DNAJA3: variants seen among roughly 807,000 people sequenced by gnomAD.
DNAJA3 encodes DnaJ heat shock protein family (Hsp40) member A3.
DNAJA3 carries 29 observed loss-of-function variants against 54.9 expected under a neutral mutation model. The ratio of observed to expected loss-of-function variants is 0.53; its 90% CI spans 0.39 to 0.72. DNAJA3 has a LOEUF of 0.72. DNAJA3 is among the 30% of genes least tolerant of loss of function. The pLI is 0.00. For synonymous variants in DNAJA3, 302 were observed against 251.4 expected, an observed-to-expected ratio of 1.20 and a Z score of -1.90; for missense variants, 708 against 639.4, an observed-to-expected ratio of 1.11 and a Z score of -1.16.
rs202069889 is a variant in DNAJA3, at chr16:4,455,571, C to T, written c.*39C>T. 143 of 1,551,612 alleles carry T rather than the reference C, an allele frequency of 9.2e-5. No homozygotes were observed. Among genetic ancestry groups the T allele is most frequent in the Non-Finnish European group, 1.0e-4 (120 of 1,146,976 alleles). ...GAAAAAGATCCACTGGAAACTAGGC[C>T]GGGAAGCAGCAGCCCCTCCAAGGGC... On this transcript the variant is annotated 3_prime_UTR_variant, in exon 12 of 12. Transcript: ENST00000262375.
At chr16:4,441,171 T>G (rs1425370469) in intron 3 of DNAJA3, 7 of 576,536 alleles carry the variant, frequency 1.2e-5, no homozygotes, top group African/African-American at 1.9e-5. Context: ...TGGAAGCACT[T>G]CACGCCCTAC....
chr16:4,437,600 T>C, intron 3 of DNAJA3, 115 bp downstream of exon 3: 2 of 752,786 alleles, frequency 2.7e-6, no homozygotes, highest in Non-Finnish European at 4.4e-6. Flanking sequence ...GAAGGCCATG[T>C]CCCTGCGCCA....
Position 4,452,501 on chromosome 16 carries a change from C to T in DNAJA3, c.1339+2004C>T, listed in dbSNP as rs144435761. ...AGTTGATTCCGCCACCCACTGAGAT[C>T]CTTTGTCACTTCCATGGTTACTTGT... On this transcript the variant is annotated intron_variant, in intron 10 of 11. Coordinates refer to ENST00000262375, the MANE Select transcript of DNAJA3 (RefSeq NM_005147.6). Among the ~76,000 whole-genome samples the T allele has an allele frequency of 9.2e-5, 14 of 152,274 alleles. No homozygotes were observed. The East Asian group carries it at 2.7e-3, about 29-fold the overall frequency.
At chr16:4,442,619 C>T in intron 5 of DNAJA3, 199 bp downstream of exon 5, 1 of 600,436 alleles carries the variant, frequency 1.7e-6, no homozygotes, top group Non-Finnish European at 2.7e-6. Context: ...GCAACCAGAG[C>T]ACAGCAGCTC....
chr16:4,456,158 C>T lies in DNAJA3; in HGVS notation c.*626C>T, dbSNP rs1241314521. ...GAGGCACGTAGAGGCCCAGAGAGTC[C>T]CTGGGGGTTCTGCTCTGACCGTGTG... On this transcript the variant is annotated 3_prime_UTR_variant, in exon 12 of 12. Transcript: ENST00000262375. 6.5e-6 allele frequency: 1 copy of T among 154,600 alleles called. No individual in the cohort carries two copies. The highest frequency in any genetic ancestry group is 2.4e-5 in the African/African-American group (1 of 41,466). The allele number at this position is 154,600 out of a possible 1,614,324, so 9.6% of individuals were successfully genotyped here. A position where few individuals can be genotyped will look rare whatever the true frequency, so the allele number is the denominator to read the frequency against.
chr16:4,449,126 A>G (rs981638039), intron 9 of DNAJA3, among the ~76,000 whole-genome samples: 4 of 151,972 alleles, frequency 2.6e-5, no homozygotes, highest in African/African-American at 7.3e-5. Flanking sequence ...CCTCCCGAGT[A>G]GCTGGGATTA....
rs776238026 is a variant in DNAJA3, at chr16:4,444,624, G to A, written c.932-40G>A. 55 of 1,589,934 alleles carry A rather than the reference G, an allele frequency of 3.5e-5. No homozygotes were observed. In the East Asian group the frequency reaches 9.4e-4, roughly 27 times the overall value. ...GCTGGGATTACAGGCGTGAGCCACC[G>A]CGTCCTGCCTAACTTCTCCCTTTCT... On this transcript the variant is annotated intron_variant, in intron 6 of 11. Transcript: ENST00000262375.
At chr16:4,441,256 T>C in intron 3 of DNAJA3, 119 bp from the exon 4 acceptor site, 1 of 900,260 alleles carries the variant, frequency 1.1e-6, no homozygotes, top group Non-Finnish European at 1.7e-6. Context: ...TCATAGGATG[T>C]GTTTGCACAC....
At chr16:4,432,880 G>A (rs549250791) in intron 1 of DNAJA3, among the ~76,000 whole-genome samples, 2 of 151,864 alleles carry the variant, frequency 1.3e-5, no homozygotes, top group South Asian at 2.1e-4. Context: ...GGTGGCTCAC[G>A]CCGGTAATCC....
rs761337674 is a variant in DNAJA3, at chr16:4,437,461, C to T, written c.405C>T (p.Phe135=). The T allele has an allele frequency of 1.9e-6, 3 of 1,614,044 alleles. No individual in the cohort carries two copies. Among genetic ancestry groups the T allele is most frequent in the South Asian group, 1.1e-5 (1 of 91,082 alleles). The part of the protein sequence containing the change: ...NKDDPKAKEK[F]SQLAEAYEVL... ...ATGATCCCAAAGCCAAGGAGAAGTTCTCCCAGCTGGCAGAAGCCTATGAGG... is the reference window on the plus strand; with the variant it reads ...ATGATCCCAAAGCCAAGGAGAAGTTTTCCCAGCTGGCAGAAGCCTATGAGG... Residue 135 remains phenylalanine (F), a synonymous_variant, in exon 3 of 12, where the codon TTC becomes TTT. Transcript: ENST00000262375.
intron 9 of DNAJA3, 146 bp from the exon 10 acceptor site, chr16:4,450,254 C>T (rs1471759627): frequency 8.3e-6 from 5 of 600,220 alleles, no homozygotes; most frequent in Non-Finnish European, 1.5e-5. Flanking sequence ...TCCTTAGGTT[C>T]TCACCGCTGC....
Position 4,432,322 on chromosome 16 carries a change from C to T in DNAJA3, c.212-2062C>T, listed in dbSNP as rs910386604. ...ACAGGCGAGAGCCACTGTGCCCAGG[C>T]TTATTTTTCTTTCTTTTTTTTTTTC... is the stretch of plus-strand genomic sequence containing the variant. On this transcript the variant is annotated intron_variant, in intron 1 of 11. Coordinates refer to ENST00000262375, the MANE Select transcript of DNAJA3 (RefSeq NM_005147.6). 4.8e-5 allele frequency among the ~76,000 whole-genome samples: 6 copies of T among 124,562 alleles called. No individual in the cohort carries two copies. The East Asian group carries it at 7.5e-4, about 16-fold the overall frequency. The allele number at this position is 124,562 out of a possible 152,430, so 81.7% of individuals were successfully genotyped here. A position where few individuals can be genotyped will look rare whatever the true frequency, so the allele number is the denominator to read the frequency against.
chr16:4,454,758 G>A (rs1393962870), intron 10 of DNAJA3, 53 bp from the exon 11 acceptor site: 2 of 1,414,344 alleles, frequency 1.4e-6, no homozygotes, highest in African/African-American at 1.4e-5. Flanking sequence ...CCTGGGATGT[G>A]ACTGTGGAAG....
chr16:4,435,520 A>G (rs2056763303), intron 2 of DNAJA3, among the ~76,000 whole-genome samples: 1 of 152,164 alleles, frequency 6.6e-6, no homozygotes, highest in African/African-American at 2.4e-5. Context: ...GCAGCTGCTA[A>G]TCTGCGTCCT....
At chr16:4,438,789 C>G (rs970557474) in intron 3 of DNAJA3, among the ~76,000 whole-genome samples, 1 of 151,784 alleles carries the variant, frequency 6.6e-6, no homozygotes, top group Non-Finnish European at 1.5e-5. Flanking sequence ...CTTTGGCCAT[C>G]CTAAAGGGGT....
At chr16:4,435,571 GA>G (rs2056763788) in intron 2 of DNAJA3, among the ~76,000 whole-genome samples, 1 of 152,120 alleles carries the variant, frequency 6.6e-6, no homozygotes, top group African/African-American at 2.4e-5. Flanking sequence ...CATATACAGG[GA>G]ATCATACAAT....
Position 4,443,039 on chromosome 16 carries a change from T to G in DNAJA3, c.806T>G (p.Phe269Cys), listed in dbSNP as rs1236320418. 1 of 1,614,142 alleles carries G rather than the reference T, an allele frequency of 6.2e-7. No individual in the cohort carries two copies. The highest frequency in any genetic ancestry group is 1.1e-5 in the South Asian group (1 of 91,082). Reference sequence around the variant, plus strand: ...CAGGAAACCATCAACACAGGCCCTTTTGTGATGCGTTCCACGTGTAGGAGA... The same window carrying G: ...CAGGAAACCATCAACACAGGCCCTTGTGTGATGCGTTCCACGTGTAGGAGA... ...SGMETINTGP[F>C]VMRSTCRRCG... Residue 269 changes from phenylalanine (F) to cysteine (C), a missense_variant, in exon 6 of 12, where the codon TTT becomes TGT. By Grantham distance (205) the Phe-to-Cys change is radical. Coordinates refer to ENST00000262375, the MANE Select transcript of DNAJA3 (RefSeq NM_005147.6).
At chr16:4,442,516 TTGGG>T in intron 5 of DNAJA3, 96 bp downstream of exon 5, 2 of 1,361,086 alleles carry the variant, frequency 1.5e-6, no homozygotes, top group Non-Finnish European at 1.9e-6. Context: ...ATGCTGGGAA[TTGGG>T]GGAGTTGGTG....
intron 8 of DNAJA3, chr16:4,447,258 C>T: frequency 2.0e-6 from 1 of 497,068 alleles, no homozygotes; most frequent in Admixed American, 3.6e-5. Context: ...GTTAGCGGGG[C>T]CTGGGAACTG....
Sources: gnomAD v4.1 joint callset for allele counts (sites outside exome capture counted in the v4.1 genomes callset) on GRCh38, gnomAD v4.1.1 for gene constraint, MANE v1.5 for transcripts, NCBI Gene and HGNC (gene_info 2026-07-23, HGNC 2026-07-21) for gene names.